Variants in DNAH1 observed in about 807,000 individuals in gnomAD.
DNAH1 encodes the protein axonemal beta dynein heavy chain 1.
DNAH1 carries 327 observed loss-of-function variants against 484.3 expected under a neutral mutation model. That is an observed-to-expected ratio of 0.68 (90% confidence interval 0.62 to 0.74). DNAH1 has a LOEUF of 0.74. Among genes scored for constraint, DNAH1 ranks in the 30% least tolerant of loss-of-function variants. The pLI, the probability that DNAH1 is intolerant of heterozygous loss-of-function variation, is 0.00. For synonymous variants in DNAH1, 2,192 were observed against 2,191.9 expected, an observed-to-expected ratio of 1.00 and a Z score of 0.00; for missense variants, 5,052 against 5,546.8, an observed-to-expected ratio of 0.91 and a Z score of 2.83.
Position 52,353,604 on chromosome 3 carries a change from G to A in DNAH1, c.3451G>A (p.Val1151Met), listed in dbSNP as rs76983136. Reference protein sequence around the residue: ...HIESISKVAEVAGKEYAIEQA... With the variant: ...HIESISKVAEMAGKEYAIEQA... ...CGAGAGCATCAGCAAGGTGGCTGAG[G>A]TGGCTGGCAAGGAGTACGCCATCGA... is the stretch of plus-strand genomic sequence containing the variant. Residue 1151 changes from valine to methionine, a missense_variant, in exon 20 of 78, where the codon GTG becomes ATG. Physicochemically the swap from Val to Met is conservative, Grantham distance 21. Around this residue, in one of 4 missense-constraint regions of DNAH1, gnomAD observed 2,929 missense variants for 3,409.4 expected, o/e 0.86. Transcript: ENST00000420323. The surrounding 1 kb of genome is among the most constrained non-coding windows in gnomAD (Gnocchi z 5.0). 17 of 1,607,152 alleles carry A rather than the reference G, an allele frequency of 1.1e-5. No homozygotes were observed. Among genetic ancestry groups the A allele is most frequent in the Non-Finnish European group, 1.4e-5 (16 of 1,177,124 alleles).
At chr3:52,315,433 CAG>C (rs976825928), upstream of DNAH1, among the ~76,000 whole-genome samples, 11 of 152,376 alleles carry the variant, frequency 7.2e-5, no homozygotes, top group East Asian at 3.9e-4. Flanking sequence ...CAAGGAGACA[CAG>C]GGGAGGGGGT....
rs919283206 is a variant in DNAH1, at chr3:52,379,972, A to T, written c.7445A>T (p.Asn2482Ile). ...NCRVFRDRLVNEEDRSWFDQL... is the reference protein window; with the variant it reads ...NCRVFRDRLVIEEDRSWFDQL... Reference sequence around the variant, plus strand: ...CGCGTGTTCCGGGACCGACTGGTGAATGAGGAGGACCGCAGCTGGTTCGAC... The same window carrying T: ...CGCGTGTTCCGGGACCGACTGGTGATTGAGGAGGACCGCAGCTGGTTCGAC... The change falls in exon 48 of 78, where the codon AAT becomes ATT. Residue 2482 changes from asparagine to isoleucine, a missense_variant. Physicochemically the swap from Asn to Ile is moderately radical, Grantham distance 149. Around this residue, in one of 4 missense-constraint regions of DNAH1, gnomAD observed 2,929 missense variants for 3,409.4 expected, o/e 0.86. Transcript: ENST00000420323. The surrounding 1 kb of genome is among the most constrained non-coding windows in gnomAD (Gnocchi z 4.4). 1.9e-6 allele frequency: 3 copies of T among 1,586,406 alleles called. No individual in the cohort carries two copies. Among genetic ancestry groups the T allele is most frequent in the Non-Finnish European group, 2.6e-6 (3 of 1,166,696 alleles).
chr3:52,329,040 A>G (rs1701449994), intron 6 of DNAH1, among the ~76,000 whole-genome samples: 1 of 152,280 alleles, frequency 6.6e-6, no homozygotes, highest in African/African-American at 2.4e-5. Context: ...TCTCTGAACT[A>G]GACAAGAAGC....
rs149777067 is a variant in DNAH1, at chr3:52,384,698, C to T, written c.8323-88C>T. The T allele has an allele frequency of 9.4e-4, 1,294 of 1,370,432 alleles. 2 individuals carry two copies. Among genetic ancestry groups the T allele is most frequent in the Non-Finnish European group, 1.1e-3 (1,179 of 1,026,872 alleles). The allele number at this position is 1,370,432 out of a possible 1,614,324, so 84.9% of individuals were successfully genotyped here. On this transcript the variant is annotated intron_variant, in intron 52 of 77. Transcript: ENST00000420323. ...GAGGTTCCTGCTGTGGCCCCCTCCT[C>T]GGCCCAGGTTGCAGTGGCTGTGGGC...
In DNAH1 at chr3:52,395,560, A is replaced by G; in HGVS notation, c.11141A>G (p.Glu3714Gly). ...SLGQGQGPRA[E>G]AMMRSSIERG... Reference sequence around the variant, plus strand: ...TTGCCCCTGCAGGGCCCTCGGGCAGAAGCCATGATGCGCAGCTCCATAGAG... The same window carrying G: ...TTGCCCCTGCAGGGCCCTCGGGCAGGAGCCATGATGCGCAGCTCCATAGAG... The change falls in exon 70 of 78, where the codon GAA becomes GGA. Residue 3714 changes from glutamate to glycine, a missense_variant. Coordinates refer to ENST00000420323, the MANE Select transcript of DNAH1 (RefSeq NM_015512.5). This position sits in a 1 kb window ranked among gnomAD's most constrained non-coding sequence, Gnocchi z 4.4. 6.2e-7 allele frequency: 1 copy of G among 1,613,732 alleles called. No individual in the cohort carries two copies. The highest frequency in any genetic ancestry group is 8.5e-7 in the Non-Finnish European group (1 of 1,179,884).
intron 44 of DNAH1, chr3:52,373,538 T>C: frequency 2.7e-6 from 4 of 1,472,642 alleles, no homozygotes; most frequent in Non-Finnish European, 3.8e-6. Context: ...CTACAGTGTC[T>C]GCTAAAATAA....
chr3:52,360,256 C>G lies in DNAH1; in HGVS notation c.4572-55C>G. On this transcript the variant is annotated intron_variant, in intron 27 of 77. Transcript: ENST00000420323. ...GAACCCTCTCTCCTTGACTATATAC[C>G]CTGCCCAGTGGCCCATTGCCCCATG... The G allele has an allele frequency of 2.6e-6, 4 of 1,549,638 alleles. No individual in the cohort carries two copies. In the South Asian group the frequency reaches 4.6e-5, roughly 18 times the overall value.
chr3:52,321,913 T>G (rs542333631), intron 1 of DNAH1, among the ~76,000 whole-genome samples: 1 of 152,186 alleles, frequency 6.6e-6, no homozygotes, highest in South Asian at 2.1e-4. Flanking sequence ...TCACAGGTGC[T>G]AGGGAGGCTC....
At chr3:52,375,435 C>G in intron 45 of DNAH1, 22 bp downstream of exon 45, 1 of 1,605,650 alleles carries the variant, frequency 6.2e-7, no homozygotes, top group Non-Finnish European at 8.5e-7. Context: ...TGGGGGTGAG[C>G]ATGGACAAAG....
At chr3:52,388,683 G>C (rs1704225493) in intron 58 of DNAH1, 74 bp downstream of exon 58, 2 of 1,607,790 alleles carry the variant, frequency 1.2e-6, no homozygotes, top group Non-Finnish European at 1.7e-6. Context: ...CAGGGCGCCG[G>C]TGGGTCCTGG....
In DNAH1 at chr3:52,384,874, C is replaced by T. The variant is rs746762992; in HGVS notation, c.8411C>T (p.Pro2804Leu). The T allele has an allele frequency of 1.9e-6, 3 of 1,613,198 alleles. No homozygotes were observed. The Admixed American group carries it at 5.0e-5, about 27-fold the overall frequency. The change falls in exon 53 of 78, where the codon CCC becomes CTC. Residue 2804 changes from proline (P) to leucine (L), a missense_variant. Physicochemically the swap from Pro to Leu is moderately conservative, Grantham distance 98 (BLOSUM62 -3). Coordinates refer to ENST00000420323, the MANE Select transcript of DNAH1 (RefSeq NM_015512.5). ...CTGACCCGCCACAACTATGTGACCC[C>T]CAAGAGCTACTTGGAGCTGCTTCAT... ...AELTRHNYVT[P>L]KSYLELLHIF... is the part of the protein sequence containing the mutation.
At chr3:52,383,157 A>C (rs1014326058) in intron 50 of DNAH1, among the ~76,000 whole-genome samples, 2 of 152,186 alleles carry the variant, frequency 1.3e-5, no homozygotes, top group African/African-American at 4.8e-5. Context: ...CCCAGTGAGG[A>C]CCCAGTGTCC....
intron 16 of DNAH1, among the ~76,000 whole-genome samples, chr3:52,351,619 G>A (rs1393970690): frequency 6.6e-6 from 1 of 152,222 alleles, no homozygotes; most frequent in Non-Finnish European, 1.5e-5. Flanking sequence ...CTGAGGAAAG[G>A]CCCCTCTGGC....
chr3:52,371,995 C>T lies in DNAH1; in HGVS notation c.6575C>T (p.Pro2192Leu), dbSNP rs780799653. The part of the protein sequence containing the change: ...MDSSAPFTMV[P>L]DTNYCNIIVP... Reference sequence around the variant, plus strand: ...TCCTCAGCTCCATTCACCATGGTACCAGACACCAACTACTGCAACATCATT... The same window carrying T: ...TCCTCAGCTCCATTCACCATGGTACTAGACACCAACTACTGCAACATCATT... The change falls in exon 42 of 78, where the codon CCA (proline) becomes CTA (leucine). Residue 2192 changes from proline to leucine, a missense_variant. Around this residue, in one of 4 missense-constraint regions of DNAH1, gnomAD observed 2,929 missense variants for 3,409.4 expected, o/e 0.86. Coordinates refer to ENST00000420323, the MANE Select transcript of DNAH1 (RefSeq NM_015512.5). The T allele has an allele frequency of 6.2e-7, 1 of 1,613,848 alleles. No individual in the cohort carries two copies. Among genetic ancestry groups the T allele is most frequent in the Non-Finnish European group, 8.5e-7 (1 of 1,179,876 alleles).
chr3:52,385,636 C>T (rs1334697391), intron 54 of DNAH1, among the ~76,000 whole-genome samples, 189 bp downstream of exon 54: 3 of 152,260 alleles, frequency 2.0e-5, no homozygotes, highest in Non-Finnish European at 2.9e-5. Context: ...ATGCCAGGCA[C>T]TGCACTGGGC....
At chr3:52,345,214 G>A (rs1448221502) in intron 9 of DNAH1, among the ~76,000 whole-genome samples, 1 of 152,226 alleles carries the variant, frequency 6.6e-6, no homozygotes, top group Non-Finnish European at 1.5e-5. Context: ...GGGCAGGAGT[G>A]GATGAGGAGA....
At chr3:52,388,766 C>T in intron 58 of DNAH1, 40 bp from the exon 59 acceptor site, 1 of 1,610,630 alleles carries the variant, frequency 6.2e-7, no homozygotes, top group Non-Finnish European at 8.5e-7. Flanking sequence ...GGCCCCTAGC[C>T]CAGCCTCCCA....
chr3:52,319,729 T>C (rs1701076777), intron 1 of DNAH1, among the ~76,000 whole-genome samples: 2 of 152,342 alleles, frequency 1.3e-5, no homozygotes, highest in Admixed American at 1.3e-4. Context: ...TCTTTCTGTC[T>C]GTCTGTCTAG....
chr3:52,365,675 G>A (rs1458072123), intron 34 of DNAH1, among the ~76,000 whole-genome samples: 1 of 152,128 alleles, frequency 6.6e-6, no homozygotes, highest in Non-Finnish European at 1.5e-5. Context: ...TGCAGGAGGA[G>A]CTCCTCTGGG....
Sources: allele counts gnomAD v4.1 joint callset (sites outside exome capture counted in the v4.1 genomes callset), GRCh38; gene constraint gnomAD v4.1.1; regional missense constraint gnomAD v4.1.1; non-coding constraint Gnocchi (gnomAD v3.1); transcripts MANE v1.5; gene names NCBI Gene and HGNC (gene_info 2026-07-23, HGNC 2026-07-21).